Variants in ZDHHC17 observed in about 807,000 individuals in gnomAD.
The protein encoded by ZDHHC17 is palmitoyltransferase ZDHHC17.
In ZDHHC17, 40 loss-of-function variants were observed where a neutral mutation model predicts 90.3. That is an observed-to-expected ratio of 0.44 (90% confidence interval 0.34 to 0.58). ZDHHC17 has a LOEUF of 0.58. ZDHHC17 is among the 20% of genes least tolerant of loss of function. The pLI, the probability that ZDHHC17 is intolerant of heterozygous loss-of-function variation, is 0.01. For missense variants in ZDHHC17, 614 were observed against 780.8 expected (o/e 0.79, Z 2.55); for synonymous variants, 235 against 252.4 (o/e 0.93, Z 0.65).
At chr12:76,815,789 T>C in intron 6 of ZDHHC17, 68 bp from the exon 7 acceptor site, 1 of 1,412,172 alleles carries the variant, frequency 7.1e-7, no homozygotes, top group South Asian at 1.6e-5. Flanking sequence ...GTTTAGTATT[T>C]GTAATGATTT....
intron 2 of ZDHHC17, among the ~76,000 whole-genome samples, chr12:76,800,885 CTTTTTTTT>C (rs71085458): frequency 4.7e-3 from 503 of 108,086 alleles, no homozygotes; most frequent in Non-Finnish European, 6.5e-3. Flanking sequence ...TTTGCCATTT[CTTTTTTTT>C]TTTTTTTTTT....
At chr12:76,773,976 C>T (rs1395674599) in intron 1 of ZDHHC17, among the ~76,000 whole-genome samples, 4 of 152,000 alleles carry the variant, frequency 2.6e-5, no homozygotes, top group African/African-American at 4.8e-5. Flanking sequence ...TGGCTGAGTG[C>T]GGTGGCTTGT....
At chr12:76,801,948 G>A (rs773962097) in intron 2 of ZDHHC17, among the ~76,000 whole-genome samples, 1 of 152,064 alleles carries the variant, frequency 6.6e-6, no homozygotes, top group Admixed American at 6.5e-5. Flanking sequence ...TAATGTATTA[G>A]TCTCTTAAAT....
At chr12:76,803,700 T>C (rs1303988943) in intron 2 of ZDHHC17, among the ~76,000 whole-genome samples, 1 of 152,200 alleles carries the variant, frequency 6.6e-6, no homozygotes, top group Non-Finnish European at 1.5e-5. Flanking sequence ...TGACAAATTC[T>C]TTTAATCCCG....
chr12:76,799,798 AT>A (rs1952865059), intron 2 of ZDHHC17, among the ~76,000 whole-genome samples: 1 of 152,210 alleles, frequency 6.6e-6, no homozygotes, highest in Admixed American at 6.5e-5. Flanking sequence ...AGGCTATCTT[AT>A]CTAAATACAG....
At chr12:76,788,501 A>G (rs1036390765) in intron 1 of ZDHHC17, among the ~76,000 whole-genome samples, 1 of 152,164 alleles carries the variant, frequency 6.6e-6, no homozygotes, top group Admixed American at 6.5e-5. Flanking sequence ...TGAAAGCATA[A>G]ATGAACAGTT....
At chr12:76,767,492 TTAAA>T (rs1172858965) in intron 1 of ZDHHC17, among the ~76,000 whole-genome samples, 11 of 152,222 alleles carry the variant, frequency 7.2e-5, no homozygotes, top group African/African-American at 2.4e-4. Context: ...TTTTAATGAA[TTAAA>T]TCATCCACTC....
chr12:76,808,151 T>C (rs1952976445), intron 3 of ZDHHC17, among the ~76,000 whole-genome samples: 1 of 152,202 alleles, frequency 6.6e-6, no homozygotes, highest in Non-Finnish European at 1.5e-5. Context: ...TTAAGAGCTA[T>C]GTACATTAAG....
intron 7 of ZDHHC17, among the ~76,000 whole-genome samples, chr12:76,820,282 C>T (rs1178005254): frequency 2.6e-5 from 4 of 152,058 alleles, no homozygotes; most frequent in East Asian, 3.9e-4. Context: ...CATGAAATAG[C>T]TTTAAATCTC....
At chr12:76,798,228 C>T (rs1030146292) in intron 2 of ZDHHC17, among the ~76,000 whole-genome samples, 2 of 152,078 alleles carry the variant, frequency 1.3e-5, no homozygotes, top group African/African-American at 2.4e-5. Context: ...TTATTTAACC[C>T]GTGCTAAGGG....
At position 76,819,496 on chromosome 12, in the gene ZDHHC17, A is replaced by G. The variant is rs189768751; in HGVS notation, c.772-2910A>G. Among the ~76,000 whole-genome samples the G allele has an allele frequency of 9.7e-4, 147 of 152,308 alleles. 1 individual carries two copies. The highest frequency in any genetic ancestry group is 9.8e-4 in the Admixed American group (15 of 15,286). On this transcript the variant is annotated intron_variant, in intron 7 of 16. Coordinates refer to ENST00000426126, the MANE Select transcript of ZDHHC17 (RefSeq NM_015336.4). ...TATAAAAAGTTATATTTTTCAAAGA[A>G]TATGAAAAATTACGCTTTGTGTTAT...
intron 5 of ZDHHC17, among the ~76,000 whole-genome samples, chr12:76,810,711 G>C (rs938455433): frequency 6.6e-6 from 1 of 151,068 alleles, no homozygotes; most frequent in African/African-American, 2.5e-5. Context: ...GAAGGGGAGG[G>C]GGGGTTATTG....
At chr12:76,840,530 A>G in intron 10 of ZDHHC17, 1 of 152,054 alleles carries the variant, frequency 6.6e-6, no homozygotes, top group African/African-American at 2.4e-5. Context: ...TAGTAGAGAC[A>G]GGGTTTTGCC....
intron 14 of ZDHHC17, among the ~76,000 whole-genome samples, chr12:76,846,930 G>A (rs1328050530): frequency 8.5e-5 from 13 of 152,236 alleles, no homozygotes; most frequent in Admixed American, 8.5e-4. Context: ...GGTTTAATAG[G>A]CTTTGAGAAG....
rs1226405795 is a variant in ZDHHC17, at chr12:76,842,207, A to T, written c.1266+101A>T. ...AGGAATTAACTATCGTTTAGAATGT[A>T]AAGAAGTTTTAAGCTAAATTGAGAT... On this transcript the variant is annotated intron_variant, in intron 11 of 16. Transcript: ENST00000426126. 4 of 1,266,574 alleles carry T rather than the reference A, an allele frequency of 3.2e-6. No individual in the cohort carries two copies. The South Asian group carries it at 9.2e-5, about 29-fold the overall frequency. 78.5% of individuals were successfully genotyped at this position (1,266,574 alleles called of 1,614,324 possible). A position where few individuals can be genotyped will look rare whatever the true frequency, so the allele number is the denominator to read the frequency against.
chr12:76,833,981 A>G (rs1953335164), intron 10 of ZDHHC17, among the ~76,000 whole-genome samples: 1 of 152,178 alleles, frequency 6.6e-6, no homozygotes, highest in East Asian at 1.9e-4. Flanking sequence ...TACGCTACCT[A>G]TGGAATGGTA....
At chr12:76,820,031 G>A (rs1404890536) in intron 7 of ZDHHC17, among the ~76,000 whole-genome samples, 1 of 150,012 alleles carries the variant, frequency 6.7e-6, no homozygotes, top group Non-Finnish European at 1.5e-5. Context: ...TATACTAAAT[G>A]ATAGGTAACT....
At chr12:76,821,055 T>C (rs1953158271) in intron 7 of ZDHHC17, 1 of 1,288,912 alleles carries the variant, frequency 7.8e-7, no homozygotes, top group African/African-American at 1.5e-5. Flanking sequence ...TCTTTTTGTC[T>C]AGGCAATCCT....
intron 8 of ZDHHC17, among the ~76,000 whole-genome samples, chr12:76,823,259 C>T (rs1229648202): frequency 6.6e-6 from 1 of 152,170 alleles, no homozygotes; most frequent in East Asian, 1.9e-4. Context: ...CTCACAACTC[C>T]AGCTCTAACT....
Sources: allele counts gnomAD v4.1 joint callset (sites outside exome capture counted in the v4.1 genomes callset), GRCh38; gene constraint gnomAD v4.1.1; transcripts MANE v1.5; gene names NCBI Gene and HGNC (gene_info 2026-07-23, HGNC 2026-07-21).